Variants in HS6ST1 observed in about 807,000 individuals in gnomAD.
HS6ST1 encodes the protein heparan sulfate 6-O-sulfotransferase 1.
A neutral mutation model predicts 25.2 loss-of-function variants in HS6ST1; 3 were observed. That is an observed-to-expected ratio of 0.12 (90% CI 0.05 to 0.31). The LOEUF (loss-of-function observed/expected upper bound fraction) is 0.31. HS6ST1 is among the 10% of genes least tolerant of loss of function. The probability of loss-of-function intolerance (pLI) is 1.00; values close to 1 mark genes in which losing one functional copy is unlikely to be tolerated. For synonymous variants in HS6ST1, 204 were observed against 275.1 expected, an observed-to-expected ratio of 0.74 and a Z score of 2.56; for missense variants, 310 against 609.6, an observed-to-expected ratio of 0.51 and a Z score of 5.18.
At position 128,318,352 on chromosome 2, in the gene HS6ST1, G is replaced by C; in HGVS notation, c.212C>G (p.Pro71Arg). The C allele has an allele frequency of 6.2e-7, 1 of 1,612,210 alleles. No homozygotes were observed. The highest frequency in any genetic ancestry group is 8.5e-7 in the Non-Finnish European group (1 of 1,179,610). Residue 71 changes from proline (P) to arginine (R), a missense_variant, in exon 1 of 2, where the codon CCG becomes CGG. Transcript: ENST00000259241. The surrounding 1 kb of genome is among the most constrained non-coding windows in gnomAD (Gnocchi z 5.7). The part of the protein sequence containing the change: ...DPHYEKKYYF[P>R]VRELERSLRF... ...CAGCGAGCGCTCCAGCTCGCGGACCGGGAAGTAGTACTTCTTCTCGTAGTG... is the reference window on the plus strand; with the variant it reads ...CAGCGAGCGCTCCAGCTCGCGGACCCGGAAGTAGTACTTCTTCTCGTAGTG...
intron 1 of HS6ST1, among the ~76,000 whole-genome samples, chr2:128,278,156 A>G (rs1693723993): frequency 6.6e-6 from 1 of 152,250 alleles, no homozygotes; most frequent in Admixed American, 6.5e-5. Flanking sequence ...GCAGGCAGGC[A>G]CGAGCTGAGG....
intron 1 of HS6ST1, among the ~76,000 whole-genome samples, chr2:128,299,090 T>C (rs893049763): frequency 2.0e-5 from 3 of 152,246 alleles, no homozygotes; most frequent in African/African-American, 7.2e-5. Flanking sequence ...CACCTGGACG[T>C]GGCCCAGGGC....
rs371044534 is a variant in HS6ST1, at chr2:128,267,098, C to T, written c.*1064G>A. ...ACAGAGCCACTGTGGTCCGAGGGTACGGCTCCTGGGCAGGGGCTATGGTCC... is the reference window on the plus strand; with the variant it reads ...ACAGAGCCACTGTGGTCCGAGGGTATGGCTCCTGGGCAGGGGCTATGGTCC... On this transcript the variant is annotated 3_prime_UTR_variant, in exon 2 of 2. Coordinates refer to ENST00000259241, the MANE Select transcript of HS6ST1 (RefSeq NM_004807.3). The T allele has an allele frequency of 5.4e-4, 81 of 151,298 alleles. No individual in the cohort carries two copies. The highest frequency in any genetic ancestry group is 1.3e-3 in the African/African-American group (55 of 41,278). 9.4% of individuals were successfully genotyped at this position (151,298 alleles called of 1,614,324 possible). A position where few individuals can be genotyped will look rare whatever the true frequency, so the allele number is the denominator to read the frequency against.
intron 1 of HS6ST1, among the ~76,000 whole-genome samples, chr2:128,289,205 C>T (rs916005696): frequency 1.3e-5 from 2 of 151,936 alleles, no homozygotes; most frequent in Admixed American, 6.5e-5. Flanking sequence ...ACAAGGAGGG[C>T]GACAGCTCCG....
chr2:128,286,238 T>C (rs114687144), intron 1 of HS6ST1, among the ~76,000 whole-genome samples: 4,724 of 152,332 alleles, frequency 0.031, 271 homozygotes, highest in African/African-American at 0.11. Flanking sequence ...CCATCCAATC[T>C]GCCATTCCTA....
chr2:128,285,009 G>A (rs879288990), intron 1 of HS6ST1, among the ~76,000 whole-genome samples: 5 of 152,138 alleles, frequency 3.3e-5, no homozygotes, highest in Non-Finnish European at 5.9e-5. Flanking sequence ...CCTGGTGCCC[G>A]GGCCTCACCA....
At chr2:128,276,126 T>G (rs1444379662) in intron 1 of HS6ST1, among the ~76,000 whole-genome samples, 1 of 152,098 alleles carries the variant, frequency 6.6e-6, no homozygotes. Flanking sequence ...CACATATACA[T>G]GTTGAAATTA....
At chr2:128,303,264 G>A (rs964867579) in intron 1 of HS6ST1, among the ~76,000 whole-genome samples, 9 of 152,252 alleles carry the variant, frequency 5.9e-5, no homozygotes, top group Non-Finnish European at 8.8e-5. Flanking sequence ...AGTAAAGGCA[G>A]GGCCAGGAGG....
intron 1 of HS6ST1, among the ~76,000 whole-genome samples, chr2:128,286,703 G>A (rs1693867447): frequency 6.6e-6 from 1 of 152,060 alleles, no homozygotes; most frequent in Non-Finnish European, 1.5e-5. Context: ...GGCTTTATTA[G>A]CGTAGGTTTA....
intron 1 of HS6ST1, 43 bp downstream of exon 1, chr2:128,317,994 C>CG: frequency 7.1e-7 from 1 of 1,405,728 alleles, no homozygotes; most frequent in South Asian, 1.6e-5. Context: ...GGCCCGGCCT[C>CG]GGGGGCGCAG....
In HS6ST1 at chr2:128,284,018, G is replaced by A. The variant is rs371424558; in HGVS notation, c.528-15148C>T. Reference sequence around the variant, plus strand: ...CCTGCCGAGGGACACAGGCCTGGACGGAGCTGGAGCAGGGGGGCTGAGTCA... The same window carrying A: ...CCTGCCGAGGGACACAGGCCTGGACAGAGCTGGAGCAGGGGGGCTGAGTCA... On this transcript the variant is annotated intron_variant, in intron 1 of 1. Transcript: ENST00000259241. Among the ~76,000 whole-genome samples, 660 of 152,318 alleles carry A rather than the reference G, an allele frequency of 4.3e-3. 6 individuals carry two copies. In the Middle Eastern group the frequency reaches 0.044, roughly 10 times the overall value.
At chr2:128,310,214 C>T (rs1694268313) in intron 1 of HS6ST1, among the ~76,000 whole-genome samples, 1 of 152,216 alleles carries the variant, frequency 6.6e-6, no homozygotes. Context: ...CCCTCCACCG[C>T]AGCCTCAGCG....
intron 1 of HS6ST1, among the ~76,000 whole-genome samples, chr2:128,288,127 T>G (rs1351182951): frequency 1.3e-5 from 2 of 152,216 alleles, no homozygotes; most frequent in East Asian, 3.9e-4. Flanking sequence ...TGGCCTCCTC[T>G]TGTCCTGGCC....
rs781082145 is a variant in HS6ST1 at position 128,318,471 on chromosome 2, G to C, written c.93C>G (p.Ile31Met). Residue 31 changes from isoleucine (I) to methionine (M), a missense_variant, in exon 1 of 2, where the codon ATC becomes ATG. By Grantham distance (10) the Ile-to-Met change is conservative. Transcript: ENST00000259241. The surrounding 1 kb of genome is among the most constrained non-coding windows in gnomAD (Gnocchi z 5.7). ...VVAGSVCFMLILYQYAGPGLS... is the reference protein window; with the variant it reads ...VVAGSVCFMLMLYQYAGPGLS... ...GTCCTGGGCCCGCGTACTGGTACAA[G>C]ATGAGCATGAAGCACACCGAGCCCG... 26 of 1,573,630 alleles carry C rather than the reference G, an allele frequency of 1.7e-5. No individual in the cohort carries two copies. Among genetic ancestry groups the C allele is most frequent in the African/African-American group, 4.1e-5 (3 of 74,044 alleles).
intron 1 of HS6ST1, among the ~76,000 whole-genome samples, chr2:128,293,468 C>T (rs997413972): frequency 6.6e-6 from 1 of 152,210 alleles, no homozygotes; most frequent in African/African-American, 2.4e-5. Context: ...ACTGGGGTGG[C>T]TCCAGATTTC....
intron 1 of HS6ST1, among the ~76,000 whole-genome samples, chr2:128,299,865 G>C (rs948327371): frequency 2.0e-5 from 3 of 152,202 alleles, no homozygotes; most frequent in African/African-American, 7.2e-5. Flanking sequence ...AGACCCCTGG[G>C]CTCTGAGCAG....
chr2:128,281,121 G>C (rs1693779116), intron 1 of HS6ST1, among the ~76,000 whole-genome samples: 1 of 152,272 alleles, frequency 6.6e-6, no homozygotes, highest in Non-Finnish European at 1.5e-5. Flanking sequence ...GAAGGGAGCA[G>C]CAGGGCTGAG....
At chr2:128,316,690 A>AGTGT (rs754486574) in intron 1 of HS6ST1, among the ~76,000 whole-genome samples, 2 of 147,774 alleles carry the variant, frequency 1.4e-5, no homozygotes, top group African/African-American at 5.0e-5. Context: ...TGGGAGCTGC[A>AGTGT]GTGTGTGTGT....
intron 1 of HS6ST1, among the ~76,000 whole-genome samples, chr2:128,271,826 C>T (rs1054070079): frequency 1.3e-5 from 2 of 152,228 alleles, no homozygotes; most frequent in African/African-American, 4.8e-5. Flanking sequence ...CATTCCTCAG[C>T]CGCACACAGT....
Sources: allele counts gnomAD v4.1 joint callset (sites outside exome capture counted in the v4.1 genomes callset), GRCh38; gene constraint gnomAD v4.1.1; non-coding constraint Gnocchi (gnomAD v3.1); transcripts MANE v1.5; gene names NCBI Gene and HGNC (gene_info 2026-07-23, HGNC 2026-07-21).